The following CHI3L2 variants were observed in gnomAD, a reference collection of about 807,000 sequenced individuals.
CHI3L2 encodes chitinase-3-like protein 2.
A neutral mutation model predicts 47.3 loss-of-function variants in CHI3L2; 47 were observed. The observed-to-expected ratio is 0.99, with a 90% CI of 0.79 to 1.27. CHI3L2 has a LOEUF of 1.27. Ranked by LOEUF, CHI3L2 falls within the 50% of genes most tolerant of loss-of-function variation. CHI3L2 has a pLI of 0.00. For missense variants in CHI3L2, 497 were observed against 462.1 expected, an observed-to-expected ratio of 1.08 and a Z score of -0.69; for synonymous variants, 198 against 169.9, an observed-to-expected ratio of 1.17 and a Z score of -1.28.
In CHI3L2 at chr1:111,230,900, A is replaced by G. The variant is rs1206964825; in HGVS notation, c.229A>G (p.Ser77Gly). Reference protein sequence around the residue: ...ENNKVIIKDKSEVMLYQTINS... With the variant: ...ENNKVIIKDKGEVMLYQTINS... ...CAACAAGGTTATCATCAAGGACAAGAGTGAAGTGATGCTCTACCAGACCAT... is the reference window on the plus strand; with the variant it reads ...CAACAAGGTTATCATCAAGGACAAGGGTGAAGTGATGCTCTACCAGACCAT... Residue 77 changes from serine to glycine, a missense_variant, in exon 3 of 11, where the codon AGT (serine) becomes GGT (glycine). Physicochemically the swap from Ser to Gly is moderately conservative, Grantham distance 56. Transcript: ENST00000369748. 1.2e-6 allele frequency: 2 copies of G among 1,614,176 alleles called. No homozygotes were observed. The highest frequency in any genetic ancestry group is 1.6e-4 in the Middle Eastern group (1 of 6,062).
At position 111,243,248 on chromosome 1, in the gene CHI3L2, C is replaced by T. The variant is rs778871175; in HGVS notation, c.*34C>T. 1.1e-5 allele frequency: 5 copies of T among 455,900 alleles called. No individual in the cohort carries two copies. Among genetic ancestry groups the T allele is most frequent in the Middle Eastern group, 6.5e-4 (2 of 3,088 alleles). 28.2% of individuals were successfully genotyped at this position (455,900 alleles called of 1,614,324 possible). ...CTTACAGAGAAGCAGGCAAGATGAC[C>T]TTGCTGCCTGGGGCCTGCTCTCTCC... On this transcript the variant is annotated 3_prime_UTR_variant, in exon 11 of 11. Coordinates refer to ENST00000369748, the MANE Select transcript of CHI3L2 (RefSeq NM_004000.3).
chr1:111,230,103 G>A (rs1659670163), intron 2 of CHI3L2, among the ~76,000 whole-genome samples: 1 of 151,804 alleles, frequency 6.6e-6, no homozygotes, highest in East Asian at 1.9e-4. Flanking sequence ...CCCATAGCTG[G>A]CCTCAATATG....
intron 1 of CHI3L2, among the ~76,000 whole-genome samples, chr1:111,228,807 A>G (rs964025313): frequency 6.6e-6 from 1 of 151,822 alleles, no homozygotes; most frequent in African/African-American, 2.4e-5. Flanking sequence ...GGCTGGGGGG[A>G]TTGCAGTTCC....
At chr1:111,232,433 G>C (rs1027599084) in intron 4 of CHI3L2, among the ~76,000 whole-genome samples, 92 of 152,278 alleles carry the variant, frequency 6.0e-4, no homozygotes, top group African/African-American at 2.0e-3. Flanking sequence ...TAGAACTTTG[G>C]AGATAGACGT....
intron 8 of CHI3L2, among the ~76,000 whole-genome samples, chr1:111,240,921 T>C (rs1022938051): frequency 1.3e-5 from 2 of 152,236 alleles, no homozygotes; most frequent in Admixed American, 6.5e-5. Flanking sequence ...AGCACTTTAC[T>C]GTTTTCAAAA....
Position 111,243,334 on chromosome 1 carries a change from T to C in CHI3L2, c.*120T>C. 2.3e-6 allele frequency: 1 copy of C among 441,600 alleles called. No homozygotes were observed. The highest frequency in any genetic ancestry group is 4.6e-6 in the Non-Finnish European group (1 of 219,080). The allele number at this position is 441,600 out of a possible 1,614,324, so 27.4% of individuals were successfully genotyped here. ...GGCCTTTGGATCTCTCTTCCAAGCC[T>C]TTCCTGACTTCCTCTTAGATCATAG... On this transcript the variant is annotated 3_prime_UTR_variant, in exon 11 of 11. Coordinates refer to ENST00000369748, the MANE Select transcript of CHI3L2 (RefSeq NM_004000.3).
intron 4 of CHI3L2, among the ~76,000 whole-genome samples, chr1:111,234,650 A>G (rs1659824639): frequency 6.6e-6 from 1 of 152,134 alleles, no homozygotes; most frequent in Non-Finnish European, 1.5e-5. Flanking sequence ...TCAAGGCAAG[A>G]GTCTTAGCCA....
chr1:111,233,633 C>T (rs1571225651), intron 4 of CHI3L2, among the ~76,000 whole-genome samples: 1 of 152,028 alleles, frequency 6.6e-6, no homozygotes, highest in Non-Finnish European at 1.5e-5. Context: ...TCTGCCCGGC[C>T]GCCCCTACTG....
intron 1 of CHI3L2, among the ~76,000 whole-genome samples, chr1:111,229,401 GGCCGGGC>G (rs1268349280): frequency 1.3e-5 from 2 of 152,196 alleles, no homozygotes; most frequent in African/African-American, 4.8e-5. Flanking sequence ...AGAAACCACA[GGCCGGGC>G]GCGGTGGCTC....
chr1:111,239,013 G>A (rs993552154), intron 8 of CHI3L2, 81 bp downstream of exon 8: 2 of 1,371,616 alleles, frequency 1.5e-6, no homozygotes, highest in Admixed American at 2.4e-5. Flanking sequence ...GCAGAGTAAA[G>A]CATCCTGAGT....
intron 1 of CHI3L2, among the ~76,000 whole-genome samples, chr1:111,228,478 G>T (rs1310709689): frequency 6.6e-6 from 1 of 152,264 alleles, no homozygotes; most frequent in Non-Finnish European, 1.5e-5. Flanking sequence ...GCCCTGGACT[G>T]ACCCTTGACA....
chr1:111,239,139 AGAG>A (rs1659974074), intron 8 of CHI3L2, among the ~76,000 whole-genome samples: 2 of 152,200 alleles, frequency 1.3e-5, no homozygotes, highest in Admixed American at 1.3e-4. Flanking sequence ...TGGACTCTGA[AGAG>A]GAGATGGAGC....
chr1:111,237,360 G>T (rs1659915159), intron 7 of CHI3L2, among the ~76,000 whole-genome samples: 2 of 152,198 alleles, frequency 1.3e-5, no homozygotes, highest in African/African-American at 4.8e-5. Context: ...AGTCAGTTAG[G>T]TCAGATCTCT....
intron 8 of CHI3L2, 45 bp downstream of exon 8, chr1:111,238,977 G>A (rs370690437): frequency 6.0e-6 from 9 of 1,511,792 alleles, no homozygotes; most frequent in Non-Finnish European, 7.1e-6. Flanking sequence ...CCATGTCTGG[G>A]TAGATGTTCC....
Position 111,236,013 on chromosome 1 carries a change from T to C in CHI3L2, c.606-11T>C. The C allele has an allele frequency of 1.2e-6, 2 of 1,613,516 alleles. No homozygotes were observed. The highest frequency in any genetic ancestry group is 1.7e-6 in the Non-Finnish European group (2 of 1,179,798). On this transcript the variant is annotated splice_polypyrimidine_tract_variant and intron_variant, in intron 6 of 10. Transcript: ENST00000369748. ...GTCACAAAATCTCTCCCATTGCTTT[T>C]GGCACTTTAGAGATCTGGATTTCAT...
At chr1:111,233,694 CCAATAGCT>C (rs1659794445) in intron 4 of CHI3L2, among the ~76,000 whole-genome samples, 1 of 151,852 alleles carries the variant, frequency 6.6e-6, no homozygotes, top group Non-Finnish European at 1.5e-5. Flanking sequence ...GGAGGTGTAC[CCAATAGCT>C]CATTGAGAAC....
At chr1:111,236,974 T>C (rs1000908437) in intron 7 of CHI3L2, among the ~76,000 whole-genome samples, 15 of 152,310 alleles carry the variant, frequency 9.8e-5, no homozygotes, top group Non-Finnish European at 2.1e-4. Context: ...TTGTTTGGGA[T>C]CACAGAACTG....
chr1:111,232,147 T>A (rs999389402), intron 4 of CHI3L2, among the ~76,000 whole-genome samples: 1 of 152,220 alleles, frequency 6.6e-6, no homozygotes, highest in Non-Finnish European at 1.5e-5. Flanking sequence ...AAGACCTATG[T>A]AGATTTCTGC....
intron 9 of CHI3L2, 132 bp downstream of exon 9, chr1:111,241,575 T>C (rs780062949): frequency 3.2e-6 from 2 of 620,638 alleles, no homozygotes; most frequent in Non-Finnish European, 5.8e-6. Context: ...GCAGCCTTTA[T>C]AGCTCAAGTC....
Sources: gnomAD v4.1 joint callset for allele counts (sites outside exome capture counted in the v4.1 genomes callset) on GRCh38, gnomAD v4.1.1 for gene constraint, MANE v1.5 for transcripts, NCBI Gene and HGNC (gene_info 2026-07-23, HGNC 2026-07-21) for gene names.